Variants in HUWE1 observed in about 807,000 individuals in gnomAD.
HUWE1 encodes HECT, UBA and WWE domain containing E3 ubiquitin protein ligase 1.
A neutral mutation model predicts 299.4 loss-of-function variants in HUWE1; 18 were observed. That is an observed-to-expected ratio of 0.06 (90% confidence interval 0.04 to 0.09). HUWE1 has a LOEUF of 0.09. Among genes scored for constraint, HUWE1 ranks in the 10% least tolerant of loss-of-function variants. The probability of loss-of-function intolerance (pLI) is 1.00; values close to 1 mark genes in which losing one functional copy is unlikely to be tolerated. For synonymous variants in HUWE1, 1,317 were observed against 1,286.1 expected (o/e 1.02, Z -0.51); for missense variants, 1,832 against 3,462.3 (o/e 0.53, Z 11.82).
chrX:53,654,260 A>G, intron 3 of HUWE1, 129 bp from the exon 4 acceptor site: 1 of 482,751 alleles, frequency 2.1e-6, no homozygotes, highest in Non-Finnish European at 3.7e-6. Flanking sequence ...TGGAGTTATG[A>G]TGCTATGCCA....
intron 24 of HUWE1, 60 bp downstream of exon 24, chrX:53,608,792 C>T (rs1448573365): frequency 2.8e-6 from 2 of 711,963 alleles, no homozygotes; most frequent in Non-Finnish European, 4.5e-6. Context: ...GATAACGAAA[C>T]ACATTTTCCA....
At chrX:53,662,760 AAGG>A (rs1369289231) in intron 3 of HUWE1, among the ~76,000 whole-genome samples, 1 of 111,885 alleles carries the variant, frequency 8.9e-6, no homozygotes, top group African/African-American at 3.2e-5. Flanking sequence ...CAAAGAAGGA[AAGG>A]AGGAGGCCCG....
intron 3 of HUWE1, among the ~76,000 whole-genome samples, chrX:53,660,801 C>CA (rs782082910): frequency 9.0e-6 from 1 of 111,543 alleles, no homozygotes; most frequent in African/African-American, 3.3e-5. Context: ...GGCATCTACT[C>CA]AAAGTCCAAT....
At position 53,575,613 on chromosome X, in the gene HUWE1, A is replaced by G. The variant is rs2063067976; in HGVS notation, c.6030+30T>C. The G allele has an allele frequency of 3.3e-6, 4 of 1,199,375 alleles. No homozygotes were observed. The East Asian group carries it at 8.9e-5, about 27-fold the overall frequency. ...CACACAGGCATTGAAAAATGAGAAG[A>G]AAGATAAAACGCTGTTGGAATTGAC... On this transcript the variant is annotated intron_variant, in intron 45 of 83. Transcript: ENST00000262854.
intron 3 of HUWE1, among the ~76,000 whole-genome samples, chrX:53,655,965 G>A (rs868953558): frequency 1.8e-5 from 2 of 112,119 alleles, no homozygotes; most frequent in African/African-American, 3.2e-5. Context: ...ATTTGCAGAT[G>A]TCAAAGGATC....
chrX:53,624,666 C>A lies in HUWE1; in HGVS notation c.1601G>T (p.Gly534Val), dbSNP rs1557015454. ...FSDGIRHVMDGSLPTSLKHII... is the reference protein window; with the variant it reads ...FSDGIRHVMDVSLPTSLKHII... Reference sequence around the variant, plus strand: ...GTGTTTCAGGGAGGTAGGCAGAGAACCATCCATCACTAAAAGAAAAGTGAA... The same window carrying A: ...GTGTTTCAGGGAGGTAGGCAGAGAAACATCCATCACTAAAAGAAAAGTGAA... The change falls in exon 19 of 84, where the codon GGT becomes GTT. Residue 534 changes from glycine (G) to valine (V), a missense_variant. By Grantham distance (109) the Gly-to-Val change is moderately radical. Transcript: ENST00000262854. 2 of 1,186,451 alleles carry A rather than the reference C, an allele frequency of 1.7e-6. No individual in the cohort carries two copies. Among genetic ancestry groups the A allele is most frequent in the Non-Finnish European group, 2.3e-6 (2 of 874,083 alleles).
chrX:53,638,791 G>A (rs1414105885), intron 7 of HUWE1, among the ~76,000 whole-genome samples: 1 of 111,760 alleles, frequency 8.9e-6, no homozygotes, highest in African/African-American at 3.3e-5. Context: ...AAGTTTACTA[G>A]ACCTAGAGTA....
At chrX:53,631,872 C>T (rs1489500148) in intron 9 of HUWE1, 2 of 388,928 alleles carry the variant, frequency 5.1e-6, no homozygotes, top group African/African-American at 5.1e-5. Context: ...TCATATTCTT[C>T]TTTGTCCTTT....
intron 43 of HUWE1, among the ~76,000 whole-genome samples, chrX:53,578,394 G>A (rs1274572003): frequency 6.2e-5 from 6 of 96,188 alleles, no homozygotes; most frequent in African/African-American, 1.6e-4. Context: ...CGCCCCGTCC[G>A]GGAGGTGAGG....
intron 74 of HUWE1, among the ~76,000 whole-genome samples, chrX:53,541,295 G>A (rs2061332202): frequency 8.9e-6 from 1 of 112,107 alleles, no homozygotes; most frequent in African/African-American, 3.2e-5. Context: ...TTTAAAACAC[G>A]GGAGACTAAG....
At chrX:53,564,503 C>T in intron 51 of HUWE1, 71 bp downstream of exon 51, 1 of 1,147,212 alleles carries the variant, frequency 8.7e-7, no homozygotes, top group South Asian at 1.9e-5. Context: ...AGTACTCACC[C>T]ACCCACACCA....
chrX:53,643,371 T>C (rs782729958), intron 7 of HUWE1, among the ~76,000 whole-genome samples: 8 of 110,128 alleles, frequency 7.3e-5, no homozygotes, highest in African/African-American at 2.6e-4. Flanking sequence ...TTTTTTGAGA[T>C]AGAGTCTTGC....
chrX:53,625,306 C>A, intron 17 of HUWE1, 48 bp from the exon 18 acceptor site: 2 of 879,202 alleles, frequency 2.3e-6, no homozygotes, highest in Non-Finnish European at 3.4e-6. Flanking sequence ...CGCCATTAAA[C>A]CACAATGATC....
At chrX:53,566,358 C>T (rs1166298371) in intron 49 of HUWE1, among the ~76,000 whole-genome samples, 1 of 107,123 alleles carries the variant, frequency 9.3e-6, no homozygotes, top group East Asian at 2.9e-4. Flanking sequence ...GTAATCCCAG[C>T]ACTGTGGGAG....
chrX:53,559,523 A>C lies in HUWE1; in HGVS notation c.7746T>G (p.Gly2582=). The C allele has an allele frequency of 5.0e-6, 6 of 1,209,868 alleles. No homozygotes were observed. Among genetic ancestry groups the C allele is most frequent in the Non-Finnish European group, 6.7e-6 (6 of 894,358 alleles). The change falls in exon 57 of 84, where the codon GGT becomes GGG. Residue 2582 remains glycine, a synonymous_variant. Transcript: ENST00000262854. ...GAAGGATGTCAGCAGCAGCTGAGGG[A>C]CCAAGCAACCTGTAGGGTAATGGTG... The part of the protein sequence containing the change: ...NPPLILQRLL[G]PSAAADILQL...
intron 48 of HUWE1, 83 bp downstream of exon 48, chrX:53,569,533 C>A: frequency 1.1e-6 from 1 of 931,976 alleles, no homozygotes; most frequent in South Asian, 2.0e-5. Flanking sequence ...AAGTTTTGTT[C>A]AAGTGCAAAA....
chrX:53,541,118 G>GA (rs1230669703), intron 74 of HUWE1, among the ~76,000 whole-genome samples: 6 of 112,365 alleles, frequency 5.3e-5, no homozygotes, highest in African/African-American at 1.9e-4. Context: ...ATGTATGACT[G>GA]ACTTTGAGAA....
chrX:53,623,158 A>G (rs1557013804), intron 19 of HUWE1, among the ~76,000 whole-genome samples: 1 of 111,064 alleles, frequency 9.0e-6, no homozygotes, highest in Admixed American at 9.5e-5. Flanking sequence ...CCACTATCCC[A>G]GCACCTAAGC....
rs782298599 is a variant in HUWE1, at chrX:53,554,690, T to C, written c.8437A>G (p.Arg2813Gly). The change falls in exon 61 of 84, where the codon AGG becomes GGG. Residue 2813 changes from arginine to glycine, a missense_variant. Arg to Gly is a moderately radical substitution (Grantham distance 125). This residue lies in a region of HUWE1 where 143 missense variants were observed against 148.1 expected (regional missense o/e 0.97). Coordinates refer to ENST00000262854, the MANE Select transcript of HUWE1 (RefSeq NM_031407.7). ...PVEPEELGPTRPSGEAETTQM... is the reference protein window; with the variant it reads ...PVEPEELGPTGPSGEAETTQM... ...GTTGTTTCTGCTTCCCCACTTGGCC[T>C]TGTGGGACCCAATTCCTCTGGCTCT... is the stretch of plus-strand genomic sequence containing the variant. 7.4e-6 allele frequency: 9 copies of C among 1,211,189 alleles called. No individual in the cohort carries two copies. Among genetic ancestry groups the C allele is most frequent in the Non-Finnish European group, 1.0e-5 (9 of 895,176 alleles).
Sources: gnomAD v4.1 joint callset for allele counts (sites outside exome capture counted in the v4.1 genomes callset) on GRCh38, gnomAD v4.1.1 for gene constraint, gnomAD v4.1.1 regional missense constraint, MANE v1.5 for transcripts, NCBI Gene and HGNC (gene_info 2026-07-23, HGNC 2026-07-21) for gene names.